The following SDK1 variants were observed in gnomAD, a reference collection of about 807,000 sequenced individuals.
The protein encoded by SDK1 is sidekick cell adhesion molecule 1.
Under a neutral mutation model 245.5 loss-of-function variants are expected in SDK1, and 157 were observed. The ratio of observed to expected loss-of-function variants is 0.64; its 90% CI spans 0.56 to 0.73. The LOEUF is 0.73. Ranked by LOEUF, SDK1 falls within the 30% of genes least tolerant of loss-of-function variation. The pLI is 0.00. For missense variants in SDK1, 3,583 were observed against 3,002.3 expected, an observed-to-expected ratio of 1.19 and a Z score of -4.52; for synonymous variants, 1,647 against 1,278.5, an observed-to-expected ratio of 1.29 and a Z score of -6.15.
chr7:3,786,123 C>G (rs949290449), intron 4 of SDK1, among the ~76,000 whole-genome samples: 6 of 152,066 alleles, frequency 3.9e-5, no homozygotes, highest in African/African-American at 7.2e-5. Context: ...TGTTTGTTCT[C>G]TTTCTTTTGG....
chr7:3,467,618 TTA>T (rs770025473), intron 1 of SDK1, among the ~76,000 whole-genome samples: 1 of 152,072 alleles, frequency 6.6e-6, no homozygotes, highest in Non-Finnish European at 1.5e-5. Context: ...AAGTTGGAAT[TTA>T]TGTTTTGCAG....
intron 5 of SDK1, among the ~76,000 whole-genome samples, chr7:3,920,589 G>A (rs1284635201): frequency 6.6e-6 from 1 of 152,166 alleles, no homozygotes; most frequent in Non-Finnish European, 1.5e-5. Flanking sequence ...CAGAAGTTCT[G>A]CTTGGATTCG....
chr7:3,425,759 C>CT (rs1246587666), intron 1 of SDK1, among the ~76,000 whole-genome samples: 2 of 152,194 alleles, frequency 1.3e-5, no homozygotes, highest in African/African-American at 4.8e-5. Flanking sequence ...CATTTGAAGA[C>CT]TAACAGCCTT....
intron 4 of SDK1, among the ~76,000 whole-genome samples, chr7:3,738,081 T>G (rs1277776921): frequency 2.0e-5 from 3 of 152,260 alleles, no homozygotes; most frequent in Non-Finnish European, 4.4e-5. Context: ...GTCTTTCTTT[T>G]GTTGCCTGTC....
chr7:3,795,977 ATAGATTCATAATCTT>A (rs1376649447), intron 4 of SDK1, among the ~76,000 whole-genome samples: 6 of 152,222 alleles, frequency 3.9e-5, no homozygotes, highest in African/African-American at 1.4e-4. Context: ...GTGCTAAGAA[ATAGATTCATAATCTT>A]TGGCTTTAAA....
At chr7:4,235,628 A>T (rs1250766606) in intron 41 of SDK1, among the ~76,000 whole-genome samples, 1 of 152,252 alleles carries the variant, frequency 6.6e-6, no homozygotes, top group East Asian at 1.9e-4. Context: ...CCTGAGTTTT[A>T]TCTGTGGAAA....
rs577580406 is a variant in SDK1 at position 3,874,702 on chromosome 7, T to G, written c.847+53119T>G. 7.2e-5 allele frequency among the ~76,000 whole-genome samples: 11 copies of G among 152,294 alleles called. No individual in the cohort carries two copies. The South Asian group carries it at 2.1e-3, about 29-fold the overall frequency. On this transcript the variant is annotated intron_variant, in intron 5 of 44. Coordinates refer to ENST00000404826, the MANE Select transcript of SDK1 (RefSeq NM_152744.4). Reference sequence around the variant, plus strand: ...TTTCTCCTGCATAGTAAGGCTTTCATTCCTTAGGGAAGATGGGGGTGATGA... The same window carrying G: ...TTTCTCCTGCATAGTAAGGCTTTCAGTCCTTAGGGAAGATGGGGGTGATGA...
chr7:3,846,175 C>A (rs1375530425), intron 5 of SDK1, among the ~76,000 whole-genome samples: 1 of 152,146 alleles, frequency 6.6e-6, no homozygotes, highest in Non-Finnish European at 1.5e-5. Flanking sequence ...AAAGAGCTCA[C>A]TGGGGATGTG....
chr7:3,620,499 C>T (rs943387381), intron 2 of SDK1, among the ~76,000 whole-genome samples: 2 of 152,036 alleles, frequency 1.3e-5, no homozygotes, highest in African/African-American at 2.4e-5. Context: ...GATGGGGTTT[C>T]ACCATGTTGA....
At chr7:3,987,921 A>G (rs1030431419) in intron 14 of SDK1, among the ~76,000 whole-genome samples, 1 of 151,718 alleles carries the variant, frequency 6.6e-6, no homozygotes, top group Non-Finnish European at 1.5e-5. Context: ...GCACCCACTC[A>G]CGCCTCTCCG....
In SDK1 at chr7:4,180,223, G is replaced by A. The variant is rs1216887525; in HGVS notation, c.5098+1637G>A. ...GCGCCCGGCTCCAGCTCTATGCCCA[G>A]CGCCCAGCTCCAGCTCTATGCCCAG... On this transcript the variant is annotated intron_variant, in intron 35 of 44. Transcript: ENST00000404826. Among the ~76,000 whole-genome samples the A allele has an allele frequency of 2.0e-5, 3 of 150,964 alleles. No individual in the cohort carries two copies. The East Asian group carries it at 5.9e-4, about 30-fold the overall frequency.
intron 5 of SDK1, among the ~76,000 whole-genome samples, chr7:3,862,648 C>G (rs1488506627): frequency 6.6e-6 from 1 of 152,194 alleles, no homozygotes; most frequent in Non-Finnish European, 1.5e-5. Context: ...CTTATTTTCA[C>G]TTCAAATGTC....
intron 4 of SDK1, among the ~76,000 whole-genome samples, chr7:3,642,367 G>T (rs1782677327): frequency 6.6e-6 from 1 of 152,158 alleles, no homozygotes; most frequent in Non-Finnish European, 1.5e-5. Context: ...CAACTTTGCA[G>T]TCCATTTTTT....
chr7:4,133,449 A>G (rs1784983603), intron 28 of SDK1, among the ~76,000 whole-genome samples: 1 of 152,130 alleles, frequency 6.6e-6, no homozygotes, highest in Admixed American at 6.5e-5. Flanking sequence ...ACATGTTGAG[A>G]GTACAGTGAG....
intron 4 of SDK1, among the ~76,000 whole-genome samples, chr7:3,717,974 C>G (rs969822546): frequency 6.7e-6 from 1 of 148,310 alleles, no homozygotes; most frequent in African/African-American, 2.5e-5. Context: ...AAAAAAAAAA[C>G]TGTAAACCTT....
At chr7:3,840,083 G>A (rs1458279203) in intron 5 of SDK1, among the ~76,000 whole-genome samples, 1 of 152,176 alleles carries the variant, frequency 6.6e-6, no homozygotes, top group Non-Finnish European at 1.5e-5. Context: ...AAATTTTACA[G>A]TACACTAGAA....
At chr7:3,875,834 C>T (rs1172929577) in intron 5 of SDK1, among the ~76,000 whole-genome samples, 6 of 152,272 alleles carry the variant, frequency 3.9e-5, no homozygotes, top group Admixed American at 2.0e-4. Context: ...TCTCCACCTT[C>T]AGGCCCCTTA....
chr7:3,781,295 C>G (rs73306142), intron 4 of SDK1, among the ~76,000 whole-genome samples: 6 of 152,074 alleles, frequency 3.9e-5, no homozygotes, highest in African/African-American at 1.4e-4. Flanking sequence ...AACAGGGAAG[C>G]CAGGCCCACA....
chr7:3,886,926 G>A (rs1781352062), intron 5 of SDK1, among the ~76,000 whole-genome samples: 1 of 152,128 alleles, frequency 6.6e-6, no homozygotes, highest in Non-Finnish European at 1.5e-5. Flanking sequence ...AAAAAACTTG[G>A]CTCTTGAAGT....
Sources: gnomAD v4.1 joint callset for allele counts (sites outside exome capture counted in the v4.1 genomes callset) on GRCh38, gnomAD v4.1.1 for gene constraint, MANE v1.5 for transcripts, NCBI Gene and HGNC (gene_info 2026-07-23, HGNC 2026-07-21) for gene names.